The following SORCS2 variants were observed in gnomAD, a reference collection of about 807,000 sequenced individuals.
SORCS2 encodes VPS10 domain-containing receptor SorCS2.
A neutral mutation model predicts 141.6 loss-of-function variants in SORCS2; 100 were observed. The observed-to-expected ratio is 0.71, with a 90% CI of 0.60 to 0.83. SORCS2 has a LOEUF of 0.83. Ranked by LOEUF, SORCS2 falls within the 40% of genes least tolerant of loss-of-function variation. SORCS2 has a pLI of 0.00. For missense variants in SORCS2, 1,646 were observed against 1,560.2 expected (o/e 1.05, Z -0.93); for synonymous variants, 789 against 676.9 (o/e 1.17, Z -2.57).
At chr4:7,301,018 C>G (rs1408747961) in intron 1 of SORCS2, among the ~76,000 whole-genome samples, 1 of 152,142 alleles carries the variant, frequency 6.6e-6, no homozygotes, top group East Asian at 1.9e-4. Context: ...GGTGCTCAGT[C>G]TAAGGTCAAG....
At chr4:7,610,323 T>C (rs375226471) in intron 3 of SORCS2, among the ~76,000 whole-genome samples, 13 of 152,272 alleles carry the variant, frequency 8.5e-5, no homozygotes, top group Middle Eastern at 6.8e-3. Context: ...AGGACACTCA[T>C]GAGGGACGAG....
At chr4:7,542,775 A>G (rs566128791) in intron 3 of SORCS2, among the ~76,000 whole-genome samples, 1 of 152,362 alleles carries the variant, frequency 6.6e-6, no homozygotes, top group African/African-American at 2.4e-5. Flanking sequence ...CCAGTTTTGC[A>G]GATGGGGAGG....
chr4:7,362,954 C>T (rs1255754781), intron 1 of SORCS2, among the ~76,000 whole-genome samples: 3 of 111,342 alleles, frequency 2.7e-5, no homozygotes, highest in Middle Eastern at 4.7e-3. Flanking sequence ...TCACCATCAC[C>T]ACCATCATTA....
At chr4:7,480,156 G>T (rs192794116) in intron 2 of SORCS2, among the ~76,000 whole-genome samples, 24 of 152,322 alleles carry the variant, frequency 1.6e-4, no homozygotes, top group African/African-American at 4.8e-4. Flanking sequence ...GCTCACAGGG[G>T]TCTGAAGTGT....
intron 1 of SORCS2, among the ~76,000 whole-genome samples, chr4:7,390,312 CA>C (rs1723773799): frequency 6.6e-6 from 1 of 152,222 alleles, no homozygotes; most frequent in African/African-American, 2.4e-5. Context: ...CTCCGAAAGG[CA>C]GCCATGTGTC....
intron 5 of SORCS2, 66 bp from the exon 6 acceptor site, chr4:7,661,434 G>T (rs1012467160): frequency 1.3e-6 from 2 of 1,517,178 alleles, no homozygotes; most frequent in African/African-American, 2.8e-5. Context: ...AGGGAGTGTG[G>T]GGAGCAGCTG....
intron 10 of SORCS2, 136 bp downstream of exon 10, chr4:7,683,025 G>A: frequency 1.8e-6 from 2 of 1,141,360 alleles, no homozygotes; most frequent in South Asian, 1.7e-5. Flanking sequence ...TCTGCTGGGT[G>A]TGGTAGAGAG....
chr4:7,326,073 T>G (rs1469762699), intron 1 of SORCS2, among the ~76,000 whole-genome samples: 3 of 151,990 alleles, frequency 2.0e-5, no homozygotes, highest in African/African-American at 7.3e-5. Context: ...GGTGTCAGGA[T>G]GGAGAGATCA....
intron 2 of SORCS2, among the ~76,000 whole-genome samples, chr4:7,420,726 A>G (rs7660356): frequency 0.5 from 76,556 of 151,928 alleles, 19,675 homozygotes; most frequent in Middle Eastern, 0.62. Flanking sequence ...ACATACCTGG[A>G]GAGGACTCCG....
chr4:7,214,038 GT>G (rs1345898607), intron 1 of SORCS2, among the ~76,000 whole-genome samples: 1 of 152,148 alleles, frequency 6.6e-6, no homozygotes, highest in South Asian at 2.1e-4. Context: ...CAGGTCTGGG[GT>G]GTCTGTTTAC....
chr4:7,628,443 C>A (rs927920122), intron 3 of SORCS2, among the ~76,000 whole-genome samples: 2 of 149,486 alleles, frequency 1.3e-5, no homozygotes, highest in African/African-American at 4.9e-5. Context: ...GGCATGAACC[C>A]GGGAGATGGA....
intron 1 of SORCS2, among the ~76,000 whole-genome samples, chr4:7,242,019 C>G (rs1185630936): frequency 6.6e-6 from 1 of 152,196 alleles, no homozygotes; most frequent in Non-Finnish European, 1.5e-5. Context: ...TGCCGTTTGA[C>G]TGGCGAGGAA....
At chr4:7,608,451 T>C (rs1718195931) in intron 3 of SORCS2, among the ~76,000 whole-genome samples, 1 of 152,204 alleles carries the variant, frequency 6.6e-6, no homozygotes, top group Admixed American at 6.5e-5. Context: ...TGTCACTTAC[T>C]TGCTGAGCCC....
At chr4:7,335,523 G>T (rs1719927342) in intron 1 of SORCS2, among the ~76,000 whole-genome samples, 1 of 152,180 alleles carries the variant, frequency 6.6e-6, no homozygotes, top group Admixed American at 6.5e-5. Context: ...CCCGCCTCTT[G>T]CTCCGGCCCG....
chr4:7,266,885 C>A (rs571944522), intron 1 of SORCS2, among the ~76,000 whole-genome samples: 1 of 152,278 alleles, frequency 6.6e-6, no homozygotes, highest in African/African-American at 2.4e-5. Context: ...CCTGTCGCCA[C>A]GCCATAACTG....
chr4:7,318,805 T>C (rs1011938916), intron 1 of SORCS2, among the ~76,000 whole-genome samples: 2 of 152,170 alleles, frequency 1.3e-5, no homozygotes, highest in East Asian at 3.8e-4. Context: ...GACAAACTTA[T>C]ATAATCATAT....
intron 2 of SORCS2, among the ~76,000 whole-genome samples, chr4:7,504,828 G>C (rs1732180332): frequency 1.3e-5 from 2 of 152,216 alleles, no homozygotes. Flanking sequence ...GTGCCTTCCT[G>C]CTCTGGTCTA....
intron 1 of SORCS2, among the ~76,000 whole-genome samples, chr4:7,379,204 C>G (rs1006403750): frequency 2.6e-5 from 4 of 152,166 alleles, no homozygotes; most frequent in Non-Finnish European, 5.9e-5. Flanking sequence ...AAGGAGGATC[C>G]TTTCAGAAAT....
chr4:7,529,484 A>C (rs1225765553), intron 2 of SORCS2, among the ~76,000 whole-genome samples: 1 of 152,190 alleles, frequency 6.6e-6, no homozygotes, highest in Non-Finnish European at 1.5e-5. Context: ...TGGAGTTTGC[A>C]GGTATGAGCA....
Sources: allele counts gnomAD v4.1 joint callset (sites outside exome capture counted in the v4.1 genomes callset), GRCh38; gene constraint gnomAD v4.1.1; transcripts MANE v1.5; gene names NCBI Gene and HGNC (gene_info 2026-07-23, HGNC 2026-07-21).